Variants in IQCH observed in about 807,000 individuals in gnomAD.
IQCH encodes the protein IQ motif containing H.
A neutral mutation model predicts 117.0 loss-of-function variants in IQCH; 98 were observed. That is an observed-to-expected ratio of 0.84 (90% CI 0.71 to 0.99). IQCH has a LOEUF of 0.99. IQCH is among the 50% of genes least tolerant of loss of function. IQCH has a pLI of 0.00. For missense variants in IQCH, 1,102 were observed against 1,243.8 expected (o/e 0.89, Z 1.72); for synonymous variants, 412 against 448.2 (o/e 0.92, Z 1.02).
At position 67,478,450 on chromosome 15, in the gene IQCH, C is replaced by A. The variant is rs186231740; in HGVS notation, c.2799+2632C>A. Among the ~76,000 whole-genome samples the A allele has an allele frequency of 4.6e-5, 7 of 151,858 alleles. No homozygotes were observed. In the East Asian group the frequency reaches 1.2e-3, roughly 25 times the overall value. ...CCAGCAGAGTTCCATAGACTCACCT[C>A]CAGGCCATCCATGCACAACTTAAAA... On this transcript the variant is annotated intron_variant, in intron 18 of 20. Coordinates refer to ENST00000335894, the MANE Select transcript of IQCH (RefSeq NM_001031715.3).
intron 16 of IQCH, among the ~76,000 whole-genome samples, chr15:67,434,669 C>A (rs1463053596): frequency 6.6e-5 from 10 of 152,166 alleles, no homozygotes; most frequent in African/African-American, 2.4e-4. Flanking sequence ...TTTTGAGGAA[C>A]CTCCATACAG....
chr15:67,470,076 G>T (rs2083031262), intron 17 of IQCH, among the ~76,000 whole-genome samples: 1 of 152,232 alleles, frequency 6.6e-6, no homozygotes, highest in Non-Finnish European at 1.5e-5. Context: ...TTATCCATTG[G>T]CTTCTCGTCT....
intron 3 of IQCH, among the ~76,000 whole-genome samples, chr15:67,276,576 C>T (rs4445845): frequency 1 from 152,076 of 152,322 alleles, 75,915 homozygotes; most frequent in Non-Finnish European, 1. Context: ...TCTTTATTTC[C>T]TCTTCACTTT....
chr15:67,315,088 G>C (rs1967782568), intron 4 of IQCH, among the ~76,000 whole-genome samples: 1 of 152,134 alleles, frequency 6.6e-6, no homozygotes, highest in African/African-American at 2.4e-5. Flanking sequence ...TCAATCTCTT[G>C]GGTACAGCTG....
chr15:67,461,340 T>C (rs887968662), intron 16 of IQCH, among the ~76,000 whole-genome samples: 4 of 152,228 alleles, frequency 2.6e-5, no homozygotes, highest in Non-Finnish European at 5.9e-5. Flanking sequence ...CTGGATCTCA[T>C]TTCCTAAAAG....
At chr15:67,261,846 G>A (rs535407913) in intron 2 of IQCH, among the ~76,000 whole-genome samples, 4 of 152,314 alleles carry the variant, frequency 2.6e-5, no homozygotes, top group African/African-American at 9.6e-5. Context: ...AGCACTTTGG[G>A]AGGCCAAGGC....
At chr15:67,450,601 G>C (rs1055062512) in intron 16 of IQCH, among the ~76,000 whole-genome samples, 1 of 152,168 alleles carries the variant, frequency 6.6e-6, no homozygotes, top group African/African-American at 2.4e-5. Context: ...TAAGCTTTTT[G>C]ATGTGCTACT....
At chr15:67,291,891 A>C (rs1966763503) in intron 4 of IQCH, among the ~76,000 whole-genome samples, 1 of 152,186 alleles carries the variant, frequency 6.6e-6, no homozygotes, top group Non-Finnish European at 1.5e-5. Flanking sequence ...GGCTTCTAAA[A>C]ACCCTTTTTG....
At chr15:67,462,961 A>G (rs978889214) in intron 16 of IQCH, among the ~76,000 whole-genome samples, 24 of 152,204 alleles carry the variant, frequency 1.6e-4, no homozygotes, top group East Asian at 1.9e-4. Flanking sequence ...AATTGTTGCA[A>G]TGTGATTTAT....
At chr15:67,331,720 C>T (rs1968673931) in intron 4 of IQCH, among the ~76,000 whole-genome samples, 1 of 152,154 alleles carries the variant, frequency 6.6e-6, no homozygotes, top group Non-Finnish European at 1.5e-5. Context: ...CACAGTCATT[C>T]AAGATACGAT....
intron 12 of IQCH, among the ~76,000 whole-genome samples, chr15:67,394,199 C>T (rs187792106): frequency 1.8e-4 from 27 of 152,246 alleles, no homozygotes; most frequent in Non-Finnish European, 3.2e-4. Context: ...GATAAAATCC[C>T]ACCCATCCTT....
At position 67,457,232 on chromosome 15, in the gene IQCH, C is replaced by A. The variant is rs761023226; in HGVS notation, c.2506-7895C>A. Reference sequence around the variant, plus strand: ...CAACTCTTACCAAATACCATAATCACATTAGTATTTTACTAATTGAAAATT... The same window carrying A: ...CAACTCTTACCAAATACCATAATCAAATTAGTATTTTACTAATTGAAAATT... On this transcript the variant is annotated intron_variant, in intron 16 of 20. Coordinates refer to ENST00000335894, the MANE Select transcript of IQCH (RefSeq NM_001031715.3). The surrounding 1 kb of genome is among the most constrained non-coding windows in gnomAD (Gnocchi z 5.7). 2.9e-4 allele frequency among the ~76,000 whole-genome samples: 44 copies of A among 152,188 alleles called. No individual in the cohort carries two copies. Among genetic ancestry groups the A allele is most frequent in the Non-Finnish European group, 6.0e-4 (41 of 68,028 alleles).
rs978167350 is a variant in IQCH, at chr15:67,496,357, C to T, written c.2970+1991C>T. ...ATTCTTTTCTGATAAAAACATTCAA[C>T]AAAGTAAAAATAGAAGGTAACTTCC... On this transcript the variant is annotated intron_variant, in intron 20 of 20. Transcript: ENST00000335894. The surrounding 1 kb of genome is among the most constrained non-coding windows in gnomAD (Gnocchi z 4.4). Among the ~76,000 whole-genome samples the T allele has an allele frequency of 5.3e-5, 8 of 152,104 alleles. No homozygotes were observed. The highest frequency in any genetic ancestry group is 1.9e-4 in the African/African-American group (8 of 41,426).
intron 16 of IQCH, among the ~76,000 whole-genome samples, chr15:67,452,827 C>T (rs1402444566): frequency 6.6e-6 from 1 of 152,184 alleles, no homozygotes; most frequent in Non-Finnish European, 1.5e-5. Context: ...TGTTTTCCAA[C>T]TTGGTTCCAT....
chr15:67,276,675 A>G (rs1006734391), intron 3 of IQCH, among the ~76,000 whole-genome samples: 2 of 151,116 alleles, frequency 1.3e-5, no homozygotes, highest in Non-Finnish European at 2.9e-5. Context: ...ATAGTTTCTG[A>G]AAAAAAAAGT....
intron 14 of IQCH, among the ~76,000 whole-genome samples, chr15:67,402,491 A>T (rs1303366081): frequency 6.6e-6 from 1 of 152,188 alleles, no homozygotes; most frequent in Admixed American, 6.5e-5. Flanking sequence ...GACCATCGTA[A>T]TGGTGCACAT....
Position 67,472,169 on chromosome 15 carries a change from G to C in IQCH, c.2677-3527G>C, listed in dbSNP as rs1485683158. Among the ~76,000 whole-genome samples the C allele has an allele frequency of 6.6e-6, 1 of 152,190 alleles. No homozygotes were observed. The highest frequency in any genetic ancestry group is 1.9e-4 in the East Asian group (1 of 5,194). On this transcript the variant is annotated intron_variant, in intron 17 of 20. Coordinates refer to ENST00000335894, the MANE Select transcript of IQCH (RefSeq NM_001031715.3). This position sits in a 1 kb window ranked among gnomAD's most constrained non-coding sequence, Gnocchi z 4.3. Reference sequence around the variant, plus strand: ...ACACAGAACTTTATCCTGCCTTAAAGACTAGAACAGTCACTAACTGGCGAG... The same window carrying C: ...ACACAGAACTTTATCCTGCCTTAAACACTAGAACAGTCACTAACTGGCGAG...
In IQCH at chr15:67,443,138, G is replaced by A. The variant is rs1269781380; in HGVS notation, c.2505+21561G>A. On this transcript the variant is annotated intron_variant, in intron 16 of 20. Coordinates refer to ENST00000335894, the MANE Select transcript of IQCH (RefSeq NM_001031715.3). This position sits in a 1 kb window ranked among gnomAD's most constrained non-coding sequence, Gnocchi z 5.0. Reference sequence around the variant, plus strand: ...CTCCTGAGTAGCTGGGACTACAGGCGCCCGCCACAGCGCCCGGCTAATTTT... The same window carrying A: ...CTCCTGAGTAGCTGGGACTACAGGCACCCGCCACAGCGCCCGGCTAATTTT... Among the ~76,000 whole-genome samples, 2 of 151,788 alleles carry A rather than the reference G, an allele frequency of 1.3e-5. No homozygotes were observed. Among genetic ancestry groups the A allele is most frequent in the Non-Finnish European group, 1.5e-5 (1 of 67,904 alleles).
At position 67,362,672 on chromosome 15, in the gene IQCH, C is replaced by T. The variant is rs145033186; in HGVS notation, c.753+2787C>T. ...TTTAAGGGGCTTCCATATCCTCACCCTACAGCCCCAGGAAATCCTCACCCC... is the reference window on the plus strand; with the variant it reads ...TTTAAGGGGCTTCCATATCCTCACCTTACAGCCCCAGGAAATCCTCACCCC... On this transcript the variant is annotated intron_variant, in intron 8 of 20. Transcript: ENST00000335894. 6.3e-4 allele frequency among the ~76,000 whole-genome samples: 96 copies of T among 152,272 alleles called. 1 individual carries two copies. Among genetic ancestry groups the T allele is most frequent in the Admixed American group, 4.3e-3 (66 of 15,294 alleles).
Sources: gnomAD v4.1 joint callset for allele counts (sites outside exome capture counted in the v4.1 genomes callset) on GRCh38, gnomAD v4.1.1 for gene constraint, Gnocchi (gnomAD v3.1) non-coding constraint, MANE v1.5 for transcripts, NCBI Gene and HGNC (gene_info 2026-07-23, HGNC 2026-07-21) for gene names.